The following C8orf33 variants were observed in gnomAD, a reference collection of about 807,000 sequenced individuals.
The protein encoded by C8orf33 is UPF0488 protein C8orf33.
Under a neutral mutation model 25.7 loss-of-function variants are expected in C8orf33, and 28 were observed. The ratio of observed to expected loss-of-function variants is 1.09; its 90% CI spans 0.81 to 1.49. The LOEUF (loss-of-function observed/expected upper bound fraction) is 1.49. Among genes scored for constraint, C8orf33 ranks in the 40% most tolerant of loss-of-function variants. The pLI is 0.00. For synonymous variants in C8orf33, 153 were observed against 115.9 expected (o/e 1.32, Z -2.06); for missense variants, 369 against 294.4 (o/e 1.25, Z -1.85).
At chr8:145,053,735 CT>C in intron 4 of C8orf33, 2 of 578,856 alleles carry the variant, frequency 3.5e-6, no homozygotes. Context: ...TTGGCTTTCT[CT>C]ACTAGCAATG....
At position 145,052,824 on chromosome 8, in the gene C8orf33, C is replaced by G; in HGVS notation, c.245C>G (p.Ser82Cys). 1 of 1,614,030 alleles carries G rather than the reference C, an allele frequency of 6.2e-7. No individual in the cohort carries two copies. Among genetic ancestry groups the G allele is most frequent in the Non-Finnish European group, 8.5e-7 (1 of 1,180,028 alleles). ...KNKKKTRNRA[S>C]VANGGEKASE... ...AAGAAGAAAACGCGGAACAGGGCCTCTGTGGCAAATGGAGGCGAGAAGGCC... is the reference window on the plus strand; with the variant it reads ...AAGAAGAAAACGCGGAACAGGGCCTGTGTGGCAAATGGAGGCGAGAAGGCC... Residue 82 changes from serine to cysteine, a missense_variant, in exon 2 of 5, where the codon TCT (serine) becomes TGT (cysteine). Physicochemically the swap from Ser to Cys is moderately radical, Grantham distance 112. Transcript: ENST00000331434.
At chr8:145,053,469 C>G in intron 4 of C8orf33, 26 bp downstream of exon 4, 1 of 1,611,874 alleles carries the variant, frequency 6.2e-7, no homozygotes, top group Non-Finnish European at 8.5e-7. Context: ...CTGGTTGATT[C>G]AGGAAGGCCT....
Sources: gnomAD v4.1 joint callset for allele counts on GRCh38, gnomAD v4.1.1 for gene constraint, MANE v1.5 for transcripts, NCBI Gene and HGNC (gene_info 2026-07-23, HGNC 2026-07-21) for gene names.